MMP28: variants seen among roughly 807,000 people sequenced by gnomAD.
The protein encoded by MMP28 is matrix metalloproteinase-28.
A neutral mutation model predicts 60.5 loss-of-function variants in MMP28; 55 were observed. The observed-to-expected ratio is 0.91, with a 90% CI of 0.73 to 1.14. MMP28 has a LOEUF of 1.14. Ranked by LOEUF, MMP28 falls within the 50% of genes most tolerant of loss-of-function variation. The pLI is 0.00. For missense variants in MMP28, 686 were observed against 738.3 expected (o/e 0.93, Z 0.82); for synonymous variants, 318 against 312.5 (o/e 1.02, Z -0.18).
At chr17:35,764,437 T>C, downstream of MMP28, 1 of 1,546,058 alleles carries the variant, frequency 6.5e-7, no homozygotes, top group Non-Finnish European at 8.7e-7. Context: ...AAGCGGAGCC[T>C]CCCGGAGGAG....
At chr17:35,756,527 G>A in intron 2 of MMP28, 2 of 707,752 alleles carry the variant, frequency 2.8e-6, no homozygotes, top group Non-Finnish European at 3.4e-6. Context: ...CTGGAGTGCA[G>A]AGGAATGATC....
At chr17:35,788,571 G>A (rs189299745) in intron 1 of MMP28, among the ~76,000 whole-genome samples, 147 of 152,132 alleles carry the variant, frequency 9.7e-4, no homozygotes, top group African/African-American at 3.4e-3. Context: ...TCTTGGGAAC[G>A]GCTTCCACAC....
intron 1 of MMP28, among the ~76,000 whole-genome samples, chr17:35,781,429 T>C (rs952472560): frequency 1.3e-5 from 2 of 152,210 alleles, no homozygotes; most frequent in African/African-American, 2.4e-5. Flanking sequence ...GTAGGTGATA[T>C]AAAGCTGTGG....
intron 7 of MMP28, chr17:35,767,181 T>C (rs1471600155): frequency 1.5e-6 from 1 of 667,588 alleles, no homozygotes; most frequent in Admixed American, 2.2e-5. Flanking sequence ...AATAATTCTA[T>C]GAGGGCAAGG....
intron 1 of MMP28, among the ~76,000 whole-genome samples, chr17:35,785,549 A>C (rs2086622387): frequency 6.6e-6 from 1 of 151,976 alleles, no homozygotes; most frequent in South Asian, 2.1e-4. Flanking sequence ...CCGAGTTCAC[A>C]CCATTCTCCT....
chr17:35,774,141 C>T (rs545553338), intron 3 of MMP28, among the ~76,000 whole-genome samples: 3 of 152,324 alleles, frequency 2.0e-5, no homozygotes, highest in Non-Finnish European at 1.5e-5. Context: ...CTCCCTTTGC[C>T]CCAAATTGCA....
At chr17:35,763,397 C>G (rs1287372725), downstream of MMP28, among the ~76,000 whole-genome samples, 4 of 151,528 alleles carry the variant, frequency 2.6e-5, no homozygotes, top group Non-Finnish European at 5.9e-5. Flanking sequence ...ACCTCAGCCT[C>G]CCAAGTAGCT....
chr17:35,761,073 C>A, downstream of MMP28: 2 of 1,048,996 alleles, frequency 1.9e-6, no homozygotes, highest in Non-Finnish European at 2.7e-6. Context: ...CATGTAGCTG[C>A]AAGCCCTCTC....
chr17:35,759,357 T>G (rs1228733070), intron 2 of MMP28, among the ~76,000 whole-genome samples: 2 of 152,184 alleles, frequency 1.3e-5, no homozygotes, highest in African/African-American at 4.8e-5. Flanking sequence ...ATAGACGTAG[T>G]GCCTCCTTTC....
At chr17:35,764,876 C>T (rs2085904815), downstream of MMP28, 4 of 326,904 alleles carry the variant, frequency 1.2e-5, no homozygotes, top group Admixed American at 2.1e-4. Context: ...GGGCTCCCCG[C>T]CCCCACGCAG....
chr17:35,791,721 G>A (rs2086819889), intron 1 of MMP28, among the ~76,000 whole-genome samples: 1 of 152,030 alleles, frequency 6.6e-6, no homozygotes, highest in Non-Finnish European at 1.5e-5. Context: ...TTTCCATTTT[G>A]GCTGGCCCAG....
At chr17:35,761,190 G>A (rs1270734255), downstream of MMP28, among the ~76,000 whole-genome samples, 3 of 143,376 alleles carry the variant, frequency 2.1e-5, no homozygotes, top group Admixed American at 2.2e-4. Context: ...TGCAGCCTCT[G>A]CCTCCCGGGT....
At position 35,768,325 on chromosome 17, in the gene MMP28, T is replaced by G; in HGVS notation, c.905A>C (p.Asp302Ala). 6.2e-7 allele frequency: 1 copy of G among 1,613,334 alleles called. No homozygotes were observed. Among genetic ancestry groups the G allele is most frequent in the Non-Finnish European group, 8.5e-7 (1 of 1,179,616 alleles). The change falls in exon 6 of 8, where the codon GAC becomes GCC. Residue 302 changes from aspartate to alanine, a missense_variant. By Grantham distance (126) the Asp-to-Ala change is moderately radical. Transcript: ENST00000605424. ...AVQLPGKLFTDFETWDSYSPQ... is the reference protein window; with the variant it reads ...AVQLPGKLFTAFETWDSYSPQ... ...GCTGTAGGAGTCCCAGGTCTCAAAG[T>G]CAGTGAACAGCTTTCCTGGGAGCTG...
chr17:35,779,557 C>T (rs1040680736), intron 1 of MMP28, among the ~76,000 whole-genome samples: 1 of 152,172 alleles, frequency 6.6e-6, no homozygotes, highest in African/African-American at 2.4e-5. Flanking sequence ...ATTTCTGAAC[C>T]TTTGCTTCCT....
chr17:35,769,647 G>C (rs2143221550), intron 5 of MMP28, among the ~76,000 whole-genome samples: 1 of 152,222 alleles, frequency 6.6e-6, no homozygotes, highest in Non-Finnish European at 1.5e-5. Context: ...AAAGGCTCGG[G>C]GAGAGCTAGT....
chr17:35,774,713 T>C (rs2086273421), intron 3 of MMP28, among the ~76,000 whole-genome samples: 1 of 152,166 alleles, frequency 6.6e-6, no homozygotes, highest in Non-Finnish European at 1.5e-5. Flanking sequence ...CTGGGCCTGT[T>C]TGGCCTGGCA....
At chr17:35,774,020 G>A (rs1047000663) in intron 3 of MMP28, among the ~76,000 whole-genome samples, 1 of 152,156 alleles carries the variant, frequency 6.6e-6, no homozygotes, top group Non-Finnish European at 1.5e-5. Flanking sequence ...TCTCCTCCTC[G>A]CTTCCTCAGG....
downstream of MMP28, chr17:35,764,641 T>G: frequency 6.5e-7 from 1 of 1,549,948 alleles, no homozygotes; most frequent in African/African-American, 1.4e-5. Flanking sequence ...CCAGCCTTTG[T>G]GCCCTCCATC....
Position 35,779,248 on chromosome 17 carries a change from T to A in MMP28, c.187A>T (p.Ile63Phe). 6.2e-7 allele frequency: 1 copy of A among 1,611,902 alleles called. No individual in the cohort carries two copies. Among genetic ancestry groups the A allele is most frequent in the Non-Finnish European group, 8.5e-7 (1 of 1,179,140 alleles). ...CTCCACATCCCTCCACCCTACCTGATGGCATCGCTGAATCGAGTGGAGGTG... is the reference window on the plus strand; with the variant it reads ...CTCCACATCCCTCCACCCTACCTGAAGGCATCGCTGAATCGAGTGGAGGTG... ...APTSTRFSDA[I>F]RAFQWVSQLP... Residue 63 changes from isoleucine to phenylalanine, a missense_variant, in exon 2 of 8, where the codon ATC (isoleucine) becomes TTC (phenylalanine). Ile to Phe is a conservative substitution (Grantham distance 21). Transcript: ENST00000605424.
Sources: allele counts gnomAD v4.1 joint callset (sites outside exome capture counted in the v4.1 genomes callset), GRCh38; gene constraint gnomAD v4.1.1; transcripts MANE v1.5; gene names NCBI Gene and HGNC (gene_info 2026-07-23, HGNC 2026-07-21).